ADGRA3: variants seen among roughly 807,000 people sequenced by gnomAD.
The protein encoded by ADGRA3 is adhesion G protein-coupled receptor A3, also known as G-protein coupled receptor 125.
ADGRA3 carries 56 observed loss-of-function variants against 119.8 expected under a neutral mutation model. The observed-to-expected ratio is 0.47, with a 90% CI of 0.38 to 0.58. The LOEUF (loss-of-function observed/expected upper bound fraction) is 0.58. Among genes scored for constraint, ADGRA3 ranks in the 20% least tolerant of loss-of-function variants. The probability of loss-of-function intolerance (pLI) is 0.00; values close to 1 mark genes in which losing one functional copy is unlikely to be tolerated. For synonymous variants in ADGRA3, 607 were observed against 623.8 expected (o/e 0.97, Z 0.40); for missense variants, 1,516 against 1,649.0 (o/e 0.92, Z 1.40).
chr4:22,421,054 G>T lies in ADGRA3; in HGVS notation c.1641C>A (p.Ile547=), dbSNP rs1465518246. 6.2e-7 allele frequency: 1 copy of T among 1,613,842 alleles called. No individual in the cohort carries two copies. Reference sequence around the variant, plus strand: ...TCATCCCCGTGAAGCCAGTAGACTTGATGACATAAGCTTCCAGAGCAATAT... The same window carrying T: ...TCATCCCCGTGAAGCCAGTAGACTTTATGACATAAGCTTCCAGAGCAATAT... ...SPNIALEAYV[I]KSTGFTGMTC... Residue 547 remains isoleucine, a synonymous_variant, in exon 12 of 19, where the codon ATC becomes ATA. Coordinates refer to ENST00000334304, the MANE Select transcript of ADGRA3 (RefSeq NM_145290.4).
chr4:22,477,941 T>C (rs1718109849), intron 1 of ADGRA3, among the ~76,000 whole-genome samples: 1 of 152,228 alleles, frequency 6.6e-6, no homozygotes, highest in Non-Finnish European at 1.5e-5. Flanking sequence ...TCATGTATTA[T>C]TATAAACCTA....
At chr4:22,512,007 C>T (rs1393462429) in intron 1 of ADGRA3, among the ~76,000 whole-genome samples, 2 of 145,626 alleles carry the variant, frequency 1.4e-5, no homozygotes, top group East Asian at 4.1e-4. Flanking sequence ...AGCGATTCTC[C>T]TGCCTGCCTC....
intron 4 of ADGRA3, among the ~76,000 whole-genome samples, chr4:22,450,951 A>AT (rs1553877239): frequency 0.022 from 2,729 of 122,592 alleles, 25 homozygotes; most frequent in African/African-American, 0.033. Flanking sequence ...AAAAAAAAAA[A>AT]ATATATATAT....
At chr4:22,404,571 C>T (rs73800934) in intron 14 of ADGRA3, among the ~76,000 whole-genome samples, 1,737 of 152,248 alleles carry the variant, frequency 0.011, 33 homozygotes, top group African/African-American at 0.039. Context: ...TATTGAGTGC[C>T]GGCCATGGTC....
At chr4:22,430,103 A>G (rs1577343532) in intron 10 of ADGRA3, among the ~76,000 whole-genome samples, 1 of 152,018 alleles carries the variant, frequency 6.6e-6, no homozygotes, top group Non-Finnish European at 1.5e-5. Context: ...CTCCTCCATG[A>G]CCTCTGCCAT....
intron 1 of ADGRA3, among the ~76,000 whole-genome samples, chr4:22,495,716 G>A (rs973436556): frequency 2.0e-5 from 3 of 151,962 alleles, no homozygotes; most frequent in African/African-American, 7.3e-5. Context: ...AGATCATCCT[G>A]GCTAACACGG....
intron 16 of ADGRA3, chr4:22,393,996 G>A (rs751922265): frequency 2.3e-4 from 35 of 152,138 alleles, no homozygotes; most frequent in Non-Finnish European, 4.0e-4. Flanking sequence ...GAAGATGTGA[G>A]GAAATGAGAG....
At chr4:22,451,095 T>C (rs1717025346) in intron 4 of ADGRA3, among the ~76,000 whole-genome samples, 2 of 151,358 alleles carry the variant, frequency 1.3e-5, no homozygotes, top group Non-Finnish European at 2.9e-5. Flanking sequence ...TAAAGGAAGT[T>C]CTTTATACAA....
At chr4:22,445,904 A>G (rs1358775613) in intron 5 of ADGRA3, among the ~76,000 whole-genome samples, 1 of 152,250 alleles carries the variant, frequency 6.6e-6, no homozygotes, top group Non-Finnish European at 1.5e-5. Flanking sequence ...AATCTCTTAA[A>G]TACTATAATT....
At chr4:22,449,564 TGGGCCA>T (rs1236955574) in intron 4 of ADGRA3, among the ~76,000 whole-genome samples, 1 of 152,066 alleles carries the variant, frequency 6.6e-6, no homozygotes, top group Non-Finnish European at 1.5e-5. Flanking sequence ...TTCAAAGAAT[TGGGCCA>T]GGTGCAGTGG....
chr4:22,506,791 G>A (rs894612037), intron 1 of ADGRA3, among the ~76,000 whole-genome samples: 5 of 151,970 alleles, frequency 3.3e-5, no homozygotes, highest in African/African-American at 2.4e-5. Context: ...CTTTTGTAAA[G>A]CTCCCTCTTC....
intron 1 of ADGRA3, among the ~76,000 whole-genome samples, chr4:22,487,348 T>A (rs1197428599): frequency 1.3e-5 from 2 of 152,328 alleles, no homozygotes; most frequent in African/African-American, 4.8e-5. Context: ...TTCAAAGGCA[T>A]TAGATTCTCA....
At chr4:22,497,039 G>A (rs1156290108) in intron 1 of ADGRA3, among the ~76,000 whole-genome samples, 1 of 152,192 alleles carries the variant, frequency 6.6e-6, no homozygotes, top group African/African-American at 2.4e-5. Flanking sequence ...TGATCCAAAT[G>A]TACTTTTATA....
chr4:22,430,949 G>T (rs1174630312), intron 10 of ADGRA3, among the ~76,000 whole-genome samples: 1 of 152,194 alleles, frequency 6.6e-6, no homozygotes, highest in African/African-American at 2.4e-5. Context: ...GCTTCACAGG[G>T]GGCAACCCCC....
intron 12 of ADGRA3, among the ~76,000 whole-genome samples, chr4:22,418,289 T>A (rs1027357104): frequency 6.6e-6 from 1 of 152,042 alleles, no homozygotes; most frequent in South Asian, 2.1e-4. Context: ...AAGAAACCCA[T>A]CTTGATTCTC....
intron 17 of ADGRA3, among the ~76,000 whole-genome samples, chr4:22,390,320 TTATATA>T (rs34566272): frequency 9.4e-6 from 1 of 106,270 alleles, no homozygotes; most frequent in Non-Finnish European, 1.7e-5. Flanking sequence ...TCTCTACTGC[TTATATA>T]TATATATATA....
intron 1 of ADGRA3, among the ~76,000 whole-genome samples, chr4:22,475,853 C>T (rs1718026351): frequency 6.6e-6 from 1 of 151,966 alleles, no homozygotes; most frequent in Non-Finnish European, 1.5e-5. Flanking sequence ...ATGGGTGCAC[C>T]AAAATATCAG....
intron 4 of ADGRA3, among the ~76,000 whole-genome samples, chr4:22,452,723 C>T (rs184389227): frequency 6.6e-6 from 1 of 152,294 alleles, no homozygotes; most frequent in East Asian, 1.9e-4. Flanking sequence ...GCCTAAAGAA[C>T]ATTTGCTGAT....
intron 4 of ADGRA3, among the ~76,000 whole-genome samples, chr4:22,454,244 A>C (rs904671374): frequency 2.6e-5 from 4 of 152,128 alleles, no homozygotes; most frequent in Non-Finnish European, 5.9e-5. Flanking sequence ...TTCTATATAA[A>C]TTATAATAAA....
Sources: gnomAD v4.1 joint callset for allele counts (sites outside exome capture counted in the v4.1 genomes callset) on GRCh38, gnomAD v4.1.1 for gene constraint, MANE v1.5 for transcripts, NCBI Gene and HGNC (gene_info 2026-07-23, HGNC 2026-07-21) for gene names.